SSX2IP: variants seen among roughly 807,000 people sequenced by gnomAD.
SSX2IP encodes the protein afadin- and alpha-actinin-binding protein.
In SSX2IP, 55 loss-of-function variants were observed where a neutral mutation model predicts 84.9. The ratio of observed to expected loss-of-function variants is 0.65; its 90% CI spans 0.52 to 0.81. SSX2IP has a LOEUF of 0.81. SSX2IP is among the 30% of genes least tolerant of loss of function. The pLI is 0.00. For missense variants in SSX2IP, 664 were observed against 705.2 expected, an observed-to-expected ratio of 0.94 and a Z score of 0.66; for synonymous variants, 239 against 234.7, an observed-to-expected ratio of 1.02 and a Z score of -0.17.
Position 84,662,182 on chromosome 1 carries a change from G to C in SSX2IP, c.927+16C>G. ...AGCAATCTGAAGACTGTATTAGAGA[G>C]GAAAGAGCCACTTACAGTTCCTGTA... On this transcript the variant is annotated intron_variant, in intron 8 of 13. Coordinates refer to ENST00000342203, the MANE Select transcript of SSX2IP (RefSeq NM_001166293.2). The C allele has an allele frequency of 1.3e-6, 2 of 1,531,312 alleles. No individual in the cohort carries two copies. The highest frequency in any genetic ancestry group is 8.8e-7 in the Non-Finnish European group (1 of 1,134,942). 94.9% of individuals were successfully genotyped at this position (1,531,312 alleles called of 1,614,324 possible).
At chr1:84,652,172 A>C in intron 11 of SSX2IP, 175 bp from the exon 12 acceptor site, 2 of 545,260 alleles carry the variant, frequency 3.7e-6, no homozygotes, top group Non-Finnish European at 6.6e-6. Flanking sequence ...CTGTAATCCC[A>C]GTATTTTGGG....
chr1:84,657,171 G>A (rs1651243036), intron 9 of SSX2IP, among the ~76,000 whole-genome samples: 1 of 151,928 alleles, frequency 6.6e-6, no homozygotes, highest in Non-Finnish European at 1.5e-5. Context: ...TAGTTTAAAA[G>A]CATTCAAACT....
intron 1 of SSX2IP, among the ~76,000 whole-genome samples, chr1:84,681,078 T>A (rs1400630488): frequency 2.6e-5 from 4 of 152,212 alleles, no homozygotes; most frequent in Admixed American, 6.5e-5. Flanking sequence ...TACAGTTTTT[T>A]AAGATAGTCA....
At chr1:84,670,052 T>G (rs1291091337) in intron 3 of SSX2IP, 159 bp from the exon 4 acceptor site, 1 of 566,640 alleles carries the variant, frequency 1.8e-6, no homozygotes. Context: ...CTGAAATTGC[T>G]GAGCAAGTAA....
rs2102437885 is a variant in SSX2IP at position 84,671,200 on chromosome 1, A to G, written c.20T>C (p.Val7Ala). MGDWMTVTDPGLSSESK... is the reference protein window; with the variant it reads MGDWMTATDPGLSSESK... ...ACCTGAAGACAGACCTGGATCTGTAACAGTCATCCAATCTCCCATAGCAAT... is the reference window on the plus strand; with the variant it reads ...ACCTGAAGACAGACCTGGATCTGTAGCAGTCATCCAATCTCCCATAGCAAT... The change falls in exon 2 of 14, where the codon GTT becomes GCT. Residue 7 changes from valine to alanine, a missense_variant. Physicochemically the swap from Val to Ala is moderately conservative, Grantham distance 64 (BLOSUM62 0). Transcript: ENST00000342203. The G allele has an allele frequency of 6.2e-7, 1 of 1,611,760 alleles. No homozygotes were observed. The highest frequency in any genetic ancestry group is 2.2e-5 in the East Asian group (1 of 44,672).
chr1:84,670,907 T>C, intron 2 of SSX2IP, 92 bp from the exon 3 acceptor site: 1 of 975,516 alleles, frequency 1.0e-6, no homozygotes, highest in Non-Finnish European at 1.5e-6. Flanking sequence ...GAATTACATA[T>C]ATACATATAA....
In SSX2IP at chr1:84,647,566, G is replaced by A; in HGVS notation, c.1712C>T (p.Pro571Leu). ...TGTACATTCTCCTCCAACCTGATTT[G>A]GTTTAATTTCTTCAGCAGTTATATT... ...VLNITAEEIK[P>L]NQVGGECTNQ... Residue 571 changes from proline (P) to leucine (L), a missense_variant, in exon 14 of 14, where the codon CCA becomes CTA. Transcript: ENST00000342203. 1 of 1,611,658 alleles carries A rather than the reference G, an allele frequency of 6.2e-7. No homozygotes were observed. The highest frequency in any genetic ancestry group is 8.5e-7 in the Non-Finnish European group (1 of 1,178,806).
rs1650327512 is a variant in SSX2IP, at chr1:84,652,013, A to G, written c.1390-16T>C. 6.4e-7 allele frequency: 1 copy of G among 1,570,712 alleles called. No homozygotes were observed. The highest frequency in any genetic ancestry group is 1.4e-5 in the African/African-American group (1 of 74,038). ...ATGCCTTTCTCTACCATAAACAGCC[A>G]AAGAAATAATGATCAATATTTCAAC... On this transcript the variant is annotated splice_polypyrimidine_tract_variant and intron_variant, in intron 11 of 13. Transcript: ENST00000342203.
At chr1:84,675,941 A>C (rs1006221810) in intron 1 of SSX2IP, among the ~76,000 whole-genome samples, 1 of 152,166 alleles carries the variant, frequency 6.6e-6, no homozygotes, top group African/African-American at 2.4e-5. Context: ...CATCTTACAC[A>C]TACTGACTGA....
intron 1 of SSX2IP, 79 bp from the exon 2 acceptor site, chr1:84,671,387 T>C (rs1353274443): frequency 5.6e-6 from 7 of 1,241,328 alleles, no homozygotes; most frequent in African/African-American, 3.1e-5. Context: ...TAAGAATTAG[T>C]TGTATGTGCT....
intron 10 of SSX2IP, 134 bp from the exon 11 acceptor site, chr1:84,656,139 G>C (rs918979459): frequency 3.8e-5 from 38 of 1,002,486 alleles, no homozygotes; most frequent in Non-Finnish European, 5.7e-6. Flanking sequence ...AGTCAAATGA[G>C]AATTCTCATT....
intron 1 of SSX2IP, among the ~76,000 whole-genome samples, chr1:84,677,241 G>A (rs1275875915): frequency 1.3e-5 from 2 of 152,038 alleles, no homozygotes; most frequent in Non-Finnish European, 2.9e-5. Context: ...TTGTAAAATT[G>A]GTCTCTGCTT....
intron 4 of SSX2IP, among the ~76,000 whole-genome samples, chr1:84,669,149 A>G (rs1653169611): frequency 1.4e-5 from 2 of 140,936 alleles, no homozygotes; most frequent in South Asian, 4.8e-4. Context: ...AGTAGGTTCA[A>G]TGGTCCTGTG....
At chr1:84,683,649 A>T (rs3768241) in intron 1 of SSX2IP, among the ~76,000 whole-genome samples, 76,663 of 151,984 alleles carry the variant, frequency 0.5, 22,054 homozygotes, top group East Asian at 0.72. Context: ...CCAAGGTTGG[A>T]GCCCAGTCAA....
intron 1 of SSX2IP, among the ~76,000 whole-genome samples, chr1:84,688,858 A>C (rs1453995174): frequency 6.6e-6 from 1 of 152,188 alleles, no homozygotes; most frequent in Non-Finnish European, 1.5e-5. Flanking sequence ...TTCCCTGTAC[A>C]GTTGGGGAAA....
At chr1:84,679,215 C>A (rs1005235844) in intron 1 of SSX2IP, among the ~76,000 whole-genome samples, 2 of 152,106 alleles carry the variant, frequency 1.3e-5, no homozygotes, top group African/African-American at 4.8e-5. Context: ...AACTGTAATA[C>A]CACCTTCAAC....
intron 5 of SSX2IP, among the ~76,000 whole-genome samples, chr1:84,665,770 C>G (rs557435970): frequency 6.6e-6 from 1 of 152,272 alleles, no homozygotes; most frequent in East Asian, 1.9e-4. Context: ...GGCACCTCAG[C>G]TATCACGTAC....
At chr1:84,670,587 T>C in intron 3 of SSX2IP, 59 bp downstream of exon 3, 2 of 1,218,254 alleles carry the variant, frequency 1.6e-6, no homozygotes, top group Non-Finnish European at 2.2e-6. Context: ...TCTCATAATT[T>C]TGATACATTC....
chr1:84,673,003 G>A (rs11164036), intron 1 of SSX2IP, among the ~76,000 whole-genome samples: 76,863 of 152,004 alleles, frequency 0.51, 22,066 homozygotes, highest in East Asian at 0.72. Flanking sequence ...CAGCCTGGGC[G>A]ACAGAGACCC....
Sources: allele counts gnomAD v4.1 joint callset (sites outside exome capture counted in the v4.1 genomes callset), GRCh38; gene constraint gnomAD v4.1.1; transcripts MANE v1.5; gene names NCBI Gene and HGNC (gene_info 2026-07-23, HGNC 2026-07-21).